The following EIF4G1 variants were observed in gnomAD, a reference collection of about 807,000 sequenced individuals.
The protein encoded by EIF4G1 is EIF4-gamma.
EIF4G1 carries 4 observed loss-of-function variants against 187.8 expected under a neutral mutation model. That is an observed-to-expected ratio of 0.02 (90% CI 0.01 to 0.05). The LOEUF is 0.05. EIF4G1 is among the 10% of genes least tolerant of loss of function. The pLI is 1.00. For synonymous variants in EIF4G1, 844 were observed against 781.4 expected, an observed-to-expected ratio of 1.08 and a Z score of -1.34; for missense variants, 1,647 against 2,081.1, an observed-to-expected ratio of 0.79 and a Z score of 4.06.
At chr3:184,324,077 T>G in intron 16 of EIF4G1, 100 bp downstream of exon 16, 1 of 1,604,222 alleles carries the variant, frequency 6.2e-7, no homozygotes, top group Non-Finnish European at 8.5e-7. Context: ...AACTTGTGCC[T>G]CTTCCAGCTG....
chr3:184,327,383 C>G lies in EIF4G1; in HGVS notation c.3596C>G (p.Ser1199Cys), dbSNP rs1271548748. ...GAGGAGCGGAGTAGAGAACGGCCCT[C>G]CCAGCCTGAGGGGCTGCGCAAGGCA... ...EVEERSRERP[S>C]QPEGLRKAAS... The change falls in exon 24 of 33, where the codon TCC (serine) becomes TGC (cysteine). Residue 1199 changes from serine (S) to cysteine (C), a missense_variant. By Grantham distance (112) the Ser-to-Cys change is moderately radical (BLOSUM62 -1). Coordinates refer to ENST00000346169, the MANE Select transcript of EIF4G1 (RefSeq NM_198241.3). 6.2e-7 allele frequency: 1 copy of G among 1,613,608 alleles called. No homozygotes were observed. Among genetic ancestry groups the G allele is most frequent in the Non-Finnish European group, 8.5e-7 (1 of 1,180,036 alleles).
intron 28 of EIF4G1, among the ~76,000 whole-genome samples, chr3:184,330,142 A>C (rs3792302): frequency 0.42 from 63,237 of 152,028 alleles, 16,261 homozygotes; most frequent in African/African-American, 0.72. Context: ...TTTGGGAGGC[A>C]GAGGTGGGTG....
Position 184,326,943 on chromosome 3 carries a change from G to T in EIF4G1, c.3388G>T (p.Val1130Leu), listed in dbSNP as rs1325546301. ...LNRFSALQQA[V>L]PTESTDNRRV... ...TCGCTTCTCAGCCCTTCAACAAGCGGTACCCACAGAAAGCACAGATAATAG... is the reference window on the plus strand; with the variant it reads ...TCGCTTCTCAGCCCTTCAACAAGCGTTACCCACAGAAAGCACAGATAATAG... Residue 1130 changes from valine (V) to leucine (L), a missense_variant, in exon 23 of 33, where the codon GTA (valine) becomes TTA (leucine). Physicochemically the swap from Val to Leu is conservative, Grantham distance 32. This residue lies in a region of EIF4G1 where 543 missense variants were observed against 638.0 expected (regional missense o/e 0.85). Coordinates refer to ENST00000346169, the MANE Select transcript of EIF4G1 (RefSeq NM_198241.3). 6.2e-7 allele frequency: 1 copy of T among 1,614,220 alleles called. No homozygotes were observed. Among genetic ancestry groups the T allele is most frequent in the Admixed American group, 1.7e-5 (1 of 60,020 alleles).
chr3:184,320,777 C>G, intron 8 of EIF4G1, 55 bp downstream of exon 8: 4 of 1,612,172 alleles, frequency 2.5e-6, no homozygotes, highest in Non-Finnish European at 3.4e-6. Flanking sequence ...CTGCCCTGGA[C>G]TCCCAAGTCC....
chr3:184,333,400 G>A (rs916060359), intron 32 of EIF4G1, among the ~76,000 whole-genome samples: 5 of 152,172 alleles, frequency 3.3e-5, no homozygotes, highest in Admixed American at 3.3e-4. Context: ...TCATGTGCAA[G>A]TCATAAGAGG....
At position 184,323,420 on chromosome 3, in the gene EIF4G1, C is replaced by A. The variant is rs750466978; in HGVS notation, c.2101C>A (p.Pro701Thr). 9.5e-5 allele frequency: 154 copies of A among 1,614,100 alleles called. No individual in the cohort carries two copies. The highest frequency in any genetic ancestry group is 1.3e-4 in the Non-Finnish European group (152 of 1,180,052). The change falls in exon 15 of 33, where the codon CCC (proline) becomes ACC (threonine). Residue 701 changes from proline (P) to threonine (T), a missense_variant. Around this residue, in one of 11 missense-constraint regions of EIF4G1, gnomAD observed 140 missense variants for 222.2 expected, o/e 0.63. Coordinates refer to ENST00000346169, the MANE Select transcript of EIF4G1 (RefSeq NM_198241.3). This position sits in a 1 kb window ranked among gnomAD's most constrained non-coding sequence, Gnocchi z 6.9. Reference protein sequence around the residue: ...ELPRGPAGLGPRRSQQGPRKE... With the variant: ...ELPRGPAGLGTRRSQQGPRKE... ...CCTTGCTTAGCAGGCTGGCCTGGGA[C>A]CCCGGCGCTCTCAGCAGGGACCCCG...
rs2108487630 is a variant in EIF4G1, at chr3:184,322,407, A to G, written c.1565A>G (p.Asn522Ser). 1.2e-6 allele frequency: 2 copies of G among 1,614,248 alleles called. No homozygotes were observed. Among genetic ancestry groups the G allele is most frequent in the Non-Finnish European group, 1.7e-6 (2 of 1,180,042 alleles). ...PKRRRKIKEL[N>S]KKEAVGDLLD... ...AGGAGACGGAAAATTAAGGAGCTAAATAAGAAGGAGGCTGTTGGAGACCTT... is the reference window on the plus strand; with the variant it reads ...AGGAGACGGAAAATTAAGGAGCTAAGTAAGAAGGAGGCTGTTGGAGACCTT... The change falls in exon 11 of 33, where the codon AAT (asparagine) becomes AGT (serine). Residue 522 changes from asparagine (N) to serine (S), a missense_variant. Transcript: ENST00000346169.
intron 4 of EIF4G1, among the ~76,000 whole-genome samples, 161 bp downstream of exon 4, chr3:184,316,379 G>A (rs1025722273): frequency 6.6e-6 from 1 of 152,150 alleles, no homozygotes; most frequent in African/African-American, 2.4e-5. Flanking sequence ...TACTCACGGT[G>A]GCTGGTCCCT....
At chr3:184,316,685 C>G (rs1433660491) in intron 4 of EIF4G1, 6 of 1,592,048 alleles carry the variant, frequency 3.8e-6, no homozygotes, top group Non-Finnish European at 5.1e-6. Context: ...GGGTAATTCT[C>G]TTCTTTCCTA....
At position 184,331,658 on chromosome 3, in the gene EIF4G1, TG is replaced by T. The variant is rs749916349; in HGVS notation, c.4395+57del. ...GGAAAGGTAGTTCTTAGGGTGGGGG[TG>T]GGGGCAGCAAGAATGAAGACTGAAG... is the stretch of plus-strand genomic sequence containing the variant. On this transcript the variant is annotated intron_variant, in intron 30 of 32. Transcript: ENST00000346169. 17 of 526,820 alleles carry T rather than the reference TG, an allele frequency of 3.2e-5. No homozygotes were observed. In the Admixed American group the frequency reaches 5.9e-4, roughly 18 times the overall value. The allele number at this position is 526,820 out of a possible 1,614,324, so 32.6% of individuals were successfully genotyped here.
At chr3:184,316,569 C>A in intron 4 of EIF4G1, 1 of 792,686 alleles carries the variant, frequency 1.3e-6, no homozygotes, top group Non-Finnish European at 2.0e-6. Context: ...GGTAAACACT[C>A]CAGCTGGTCC....
intron 3 of EIF4G1, 60 bp from the exon 4 acceptor site, chr3:184,316,072 C>G (rs752185824): frequency 3.1e-6 from 5 of 1,607,948 alleles, no homozygotes; most frequent in Non-Finnish European, 4.2e-6. Context: ...ATTTCACCAG[C>G]TTGGGTTTCT....
At chr3:184,322,125 G>A in intron 10 of EIF4G1, 22 bp downstream of exon 10, 1 of 1,614,090 alleles carries the variant, frequency 6.2e-7, no homozygotes, top group Non-Finnish European at 8.5e-7. Context: ...TTGGACGGTA[G>A]AGGTAGGGCG....
At chr3:184,331,416 TTTC>T in intron 29 of EIF4G1, 52 bp downstream of exon 29, 1 of 1,614,200 alleles carries the variant, frequency 6.2e-7, no homozygotes, top group Non-Finnish European at 8.5e-7. Flanking sequence ...GCCAGTCTTC[TTTC>T]TTGTCTCCTG....
intron 7 of EIF4G1, chr3:184,320,197 G>A: frequency 1.8e-6 from 2 of 1,123,864 alleles, no homozygotes; most frequent in East Asian, 5.5e-5. Flanking sequence ...TGGGCGTGGT[G>A]CCCAGAATAG....
chr3:184,329,634 A>G (rs1009089897), intron 28 of EIF4G1, among the ~76,000 whole-genome samples: 3 of 152,240 alleles, frequency 2.0e-5, no homozygotes, highest in Admixed American at 6.5e-5. Flanking sequence ...TCTCCAAAAA[A>G]GAAAAAAGAA....
At chr3:184,315,919 A>T in intron 3 of EIF4G1, 63 bp downstream of exon 3, 2 of 1,411,832 alleles carry the variant, frequency 1.4e-6, no homozygotes, top group South Asian at 2.5e-5. Context: ...CAGCCTCTGG[A>T]TCTTCCTACC....
At position 184,323,280 on chromosome 3, in the gene EIF4G1, T is replaced by C. The variant is rs1014705941; in HGVS notation, c.2088+39T>C. ...GGTAAAGTGGCAGGTGGGCAAGGAG[T>C]GGGAGTGGATGATTCCGTGTCTCAG... On this transcript the variant is annotated intron_variant, in intron 14 of 32. Transcript: ENST00000346169. This position sits in a 1 kb window ranked among gnomAD's most constrained non-coding sequence, Gnocchi z 6.9. The C allele has an allele frequency of 6.2e-7, 1 of 1,612,060 alleles. No individual in the cohort carries two copies. Among genetic ancestry groups the C allele is most frequent in the African/African-American group, 1.3e-5 (1 of 74,516 alleles).
chr3:184,323,287 G>T lies in EIF4G1; in HGVS notation c.2088+46G>T. The T allele has an allele frequency of 3.1e-6, 5 of 1,613,070 alleles. No homozygotes were observed. Among genetic ancestry groups the T allele is most frequent in the Non-Finnish European group, 4.2e-6 (5 of 1,179,186 alleles). On this transcript the variant is annotated intron_variant, in intron 14 of 32. Transcript: ENST00000346169. This position sits in a 1 kb window ranked among gnomAD's most constrained non-coding sequence, Gnocchi z 6.9. ...TGGCAGGTGGGCAAGGAGTGGGAGT[G>T]GATGATTCCGTGTCTCAGTGCCCGC...
Sources: allele counts gnomAD v4.1 joint callset (sites outside exome capture counted in the v4.1 genomes callset), GRCh38; gene constraint gnomAD v4.1.1; regional missense constraint gnomAD v4.1.1; non-coding constraint Gnocchi (gnomAD v3.1); transcripts MANE v1.5; gene names NCBI Gene and HGNC (gene_info 2026-07-23, HGNC 2026-07-21).